The following PLEKHA5 variants were observed in gnomAD, a reference collection of about 807,000 sequenced individuals.
PLEKHA5 encodes the protein pleckstrin homology domain-containing family A member 5.
PLEKHA5 carries 55 observed loss-of-function variants against 181.9 expected under a neutral mutation model. The observed-to-expected ratio is 0.30, with a 90% CI of 0.24 to 0.38. PLEKHA5 has a LOEUF of 0.38. Among genes scored for constraint, PLEKHA5 ranks in the 10% least tolerant of loss-of-function variants. PLEKHA5 has a pLI of 1.00. For synonymous variants in PLEKHA5, 535 were observed against 529.4 expected, an observed-to-expected ratio of 1.01 and a Z score of -0.15; for missense variants, 1,432 against 1,549.5, an observed-to-expected ratio of 0.92 and a Z score of 1.27.
Position 19,314,984 on chromosome 12 carries a change from A to G in PLEKHA5, c.2118+90A>G, listed in dbSNP as rs1455207635. ...ATTTATTCTCAGATTTACTCATGAC[A>G]TCAGTGTTTTTCTTATTTTATTTTT... is the stretch of plus-strand genomic sequence containing the variant. On this transcript the variant is annotated intron_variant, in intron 16 of 31. Transcript: ENST00000429027. 4.2e-6 allele frequency: 3 copies of G among 718,944 alleles called. No homozygotes were observed. In the Admixed American group the frequency reaches 6.7e-5, roughly 16 times the overall value. The allele number at this position is 718,944 out of a possible 1,614,324, so 44.5% of individuals were successfully genotyped here.
chr12:19,374,988 A>AAGG (rs1212758376), intron 31 of PLEKHA5, among the ~76,000 whole-genome samples: 2 of 151,388 alleles, frequency 1.3e-5, no homozygotes, highest in African/African-American at 4.9e-5. Flanking sequence ...TAATGAAGAG[A>AAGG]AGGAGGAGGA....
intron 11 of PLEKHA5, among the ~76,000 whole-genome samples, chr12:19,277,350 G>A (rs2074870204): frequency 6.6e-6 from 1 of 152,114 alleles, no homozygotes; most frequent in African/African-American, 2.4e-5. Context: ...CAGATATCTG[G>A]AAATTAGAGG....
At chr12:19,266,298 T>C (rs1466885326) in intron 8 of PLEKHA5, among the ~76,000 whole-genome samples, 2 of 150,526 alleles carry the variant, frequency 1.3e-5, no homozygotes, top group African/African-American at 4.9e-5. Context: ...TGAGACCCTG[T>C]CTCTAAAACA....
intron 21 of PLEKHA5, among the ~76,000 whole-genome samples, chr12:19,340,429 GCCA>G (rs1352264800): frequency 0.04 from 4,729 of 117,042 alleles, no homozygotes; most frequent in Middle Eastern, 0.068. Flanking sequence ...CCTCTGCCCG[GCCA>G]CCACCCCGTC....
intron 11 of PLEKHA5, 70 bp downstream of exon 11, chr12:19,275,053 GC>G: frequency 1.0e-6 from 1 of 985,110 alleles, no homozygotes; most frequent in South Asian, 1.5e-5. Flanking sequence ...TGGTTTCTGA[GC>G]TACTGATTAA....
At chr12:19,303,758 A>G (rs1015285344) in intron 15 of PLEKHA5, 7 of 152,036 alleles carry the variant, frequency 4.6e-5, no homozygotes, top group Admixed American at 2.0e-4. Flanking sequence ...AGCCTGGGCA[A>G]CATAGTGAGA....
At chr12:19,231,665 T>C (rs1355332578) in intron 3 of PLEKHA5, among the ~76,000 whole-genome samples, 2 of 150,388 alleles carry the variant, frequency 1.3e-5, no homozygotes, top group African/African-American at 2.4e-5. Flanking sequence ...TGATTTCATA[T>C]TCATCAACGT....
intron 31 of PLEKHA5, chr12:19,373,332 G>A (rs2095631676): frequency 6.8e-6 from 1 of 147,484 alleles, no homozygotes; most frequent in African/African-American, 2.5e-5. Context: ...AGTGAGCCGA[G>A]ATCACACCAT....
chr12:19,317,709 TA>T (rs35597898), intron 16 of PLEKHA5, among the ~76,000 whole-genome samples: 15,998 of 145,200 alleles, frequency 0.11, 955 homozygotes, highest in Middle Eastern at 0.19. Flanking sequence ...AGACAGTTTA[TA>T]AAAAAAAAAA....
intron 3 of PLEKHA5, among the ~76,000 whole-genome samples, chr12:19,217,674 C>T (rs1310997308): frequency 2.6e-5 from 4 of 152,156 alleles, no homozygotes. Flanking sequence ...GATTTCCAGT[C>T]GTCAAAAGCT....
rs35536570 is a variant in PLEKHA5 at position 19,253,064 on chromosome 12, CTTTTTTT to C, written c.228-856_228-850del. Among the ~76,000 whole-genome samples the C allele has an allele frequency of 1.9e-3, 86 of 45,874 alleles. 3 individuals carry two copies. The highest frequency in any genetic ancestry group is 0.018 in the South Asian group (17 of 920). 30.1% of individuals were successfully genotyped at this position (45,874 alleles called of 152,430 possible). ...GAGCTAAACAGCCAAATCAACTTACCTTTTTTTTTTTTTTTTTTTTTTTTTTGGGAGA... is the reference window on the plus strand; with the variant it reads ...GAGCTAAACAGCCAAATCAACTTACCTTTTTTTTTTTTTTTTTTTGGGAGA... On this transcript the variant is annotated intron_variant, in intron 3 of 31. Coordinates refer to ENST00000429027, the MANE Select transcript of PLEKHA5 (RefSeq NM_001256470.2).
At chr12:19,277,934 G>A (rs934378144) in intron 11 of PLEKHA5, among the ~76,000 whole-genome samples, 12 of 152,180 alleles carry the variant, frequency 7.9e-5, no homozygotes, top group Non-Finnish European at 1.5e-4. Flanking sequence ...CTTTTATGGT[G>A]CTTGACAGGC....
Position 19,130,165 on chromosome 12 carries a change from T to C in PLEKHA5, c.169+35T>C. ...GGCCCAAACGGAGTTGGGCTCCGCC[T>C]GGAGGAGGCGGCAGAGCCCGGGCCG... On this transcript the variant is annotated intron_variant, in intron 2 of 31. Coordinates refer to ENST00000429027, the MANE Select transcript of PLEKHA5 (RefSeq NM_001256470.2). This position sits in a 1 kb window ranked among gnomAD's most constrained non-coding sequence, Gnocchi z 4.5. The C allele has an allele frequency of 7.0e-7, 1 of 1,420,812 alleles. No individual in the cohort carries two copies. The highest frequency in any genetic ancestry group is 9.5e-7 in the Non-Finnish European group (1 of 1,051,928). 88.0% of individuals were successfully genotyped at this position (1,420,812 alleles called of 1,614,324 possible). A position where few individuals can be genotyped will look rare whatever the true frequency, so the allele number is the denominator to read the frequency against.
chr12:19,342,122 T>C (rs1178782316), intron 21 of PLEKHA5, among the ~76,000 whole-genome samples: 5 of 152,192 alleles, frequency 3.3e-5, no homozygotes, highest in Non-Finnish European at 5.9e-5. Flanking sequence ...TAATAACTGA[T>C]ACTCAGCCAA....
At chr12:19,143,586 A>G (rs2038047927) in intron 3 of PLEKHA5, among the ~76,000 whole-genome samples, 1 of 152,190 alleles carries the variant, frequency 6.6e-6, no homozygotes, top group African/African-American at 2.4e-5. Flanking sequence ...ATAATTATAT[A>G]TGCAGCATAG....
At chr12:19,278,536 A>C (rs554819899) in intron 11 of PLEKHA5, among the ~76,000 whole-genome samples, 10 of 152,292 alleles carry the variant, frequency 6.6e-5, no homozygotes, top group African/African-American at 2.2e-4. Flanking sequence ...TGAATGACCA[A>C]ACAAACCAAG....
In PLEKHA5 at chr12:19,322,357, G is replaced by A. The variant is rs900265173; in HGVS notation, c.2265G>A (p.Leu755=). 3 of 1,613,310 alleles carry A rather than the reference G, an allele frequency of 1.9e-6. No homozygotes were observed. The African/African-American group carries it at 4.0e-5, about 22-fold the overall frequency. The change falls in exon 19 of 32, where the codon CTG becomes CTA. Residue 755 remains leucine, a synonymous_variant. Transcript: ENST00000429027. ...AACAAGATAAAGTGGTGCATGCTCT[G>A]GAAGAGAAACTTCAGCAACTCCACA... ...LCEQDKVVHA[L]EEKLQQLHKE... is the part of the protein sequence containing the mutation.
At chr12:19,322,272 A>T in intron 18 of PLEKHA5, 38 bp from the exon 19 acceptor site, 3 of 1,382,250 alleles carry the variant, frequency 2.2e-6, no homozygotes, top group Non-Finnish European at 3.1e-6. Context: ...CAGAAAAAAT[A>T]AAAAATTGCT....
chr12:19,146,213 T>G (rs755681787), intron 3 of PLEKHA5, among the ~76,000 whole-genome samples: 1 of 152,248 alleles, frequency 6.6e-6, no homozygotes, highest in Non-Finnish European at 1.5e-5. Flanking sequence ...TTGGTGTTAC[T>G]GTACTTAAGT....
Sources: gnomAD v4.1 joint callset for allele counts (sites outside exome capture counted in the v4.1 genomes callset) on GRCh38, gnomAD v4.1.1 for gene constraint, Gnocchi (gnomAD v3.1) non-coding constraint, MANE v1.5 for transcripts, NCBI Gene and HGNC (gene_info 2026-07-23, HGNC 2026-07-21) for gene names.